KCNIP4: variants seen among roughly 807,000 people sequenced by gnomAD.
The protein encoded by KCNIP4 is Kv channel-interacting protein 4.
A neutral mutation model predicts 34.0 loss-of-function variants in KCNIP4; 12 were observed. The ratio of observed to expected loss-of-function variants is 0.35; its 90% CI spans 0.23 to 0.57. The LOEUF is 0.57. Ranked by LOEUF, KCNIP4 falls within the 20% of genes least tolerant of loss-of-function variation. KCNIP4 has a pLI of 0.83. For missense variants in KCNIP4, 238 were observed against 311.7 expected, an observed-to-expected ratio of 0.76 and a Z score of 1.78; for synonymous variants, 124 against 102.2, an observed-to-expected ratio of 1.21 and a Z score of -1.29.
chr4:21,636,301 G>GA (rs555744187), intron 1 of KCNIP4, among the ~76,000 whole-genome samples: 85 of 138,146 alleles, frequency 6.2e-4, no homozygotes, highest in South Asian at 2.3e-3. Context: ...AAAAAAAAAG[G>GA]AAAAAAAAAA....
At chr4:21,915,951 C>T (rs1241190742) in intron 1 of KCNIP4, among the ~76,000 whole-genome samples, 1 of 152,172 alleles carries the variant, frequency 6.6e-6, no homozygotes, top group Non-Finnish European at 1.5e-5. Flanking sequence ...TGAGACATTT[C>T]CCCATTAGAC....
intron 1 of KCNIP4, among the ~76,000 whole-genome samples, chr4:21,300,959 C>A (rs1217490071): frequency 6.6e-6 from 1 of 152,026 alleles, no homozygotes; most frequent in Non-Finnish European, 1.5e-5. Flanking sequence ...TTAGAGAAAG[C>A]AAGAGAGTAG....
chr4:20,758,782 ACT>A (rs780617948), intron 4 of KCNIP4, 37 bp downstream of exon 4: 4 of 1,485,180 alleles, frequency 2.7e-6, no homozygotes, highest in South Asian at 1.2e-5. Context: ...CATAATTGTA[ACT>A]CTGATAGTAT....
rs28651414 is a variant in KCNIP4, at chr4:21,199,378, A to G, written c.62-316669T>C. Among the ~76,000 whole-genome samples the G allele has an allele frequency of 3.7e-3, 561 of 152,172 alleles. 3 individuals carry two copies. Among genetic ancestry groups the G allele is most frequent in the African/African-American group, 0.013 (527 of 41,510 alleles). On this transcript the variant is annotated intron_variant, in intron 1 of 8. Coordinates refer to ENST00000382152, the MANE Select transcript of KCNIP4 (RefSeq NM_025221.6). The stretch of plus-strand genomic sequence containing the variant: ...TGGCTGCATAAATGTCTTGAGAACT[A>G]TCTGTTCATATCCTTCCCCCACTTT...
chr4:21,833,941 A>G (rs1723158409), intron 1 of KCNIP4, among the ~76,000 whole-genome samples: 9 of 151,840 alleles, frequency 5.9e-5, no homozygotes, highest in Admixed American at 5.9e-4. Flanking sequence ...GTTCTGTTCC[A>G]TTGATCTATA....
intron 1 of KCNIP4, among the ~76,000 whole-genome samples, chr4:21,704,050 A>T (rs1010350054): frequency 6.6e-6 from 1 of 152,154 alleles, no homozygotes; most frequent in African/African-American, 2.4e-5. Context: ...TAATTTTGAC[A>T]AAGATGCAAG....
At chr4:21,763,904 A>G (rs964838214) in intron 1 of KCNIP4, among the ~76,000 whole-genome samples, 4 of 152,088 alleles carry the variant, frequency 2.6e-5, no homozygotes, top group African/African-American at 9.7e-5. Flanking sequence ...CAGCCAACAC[A>G]CAGAATTTGG....
intron 1 of KCNIP4, among the ~76,000 whole-genome samples, chr4:21,539,902 C>T (rs953961366): frequency 1.3e-5 from 2 of 151,516 alleles, no homozygotes; most frequent in Admixed American, 6.6e-5. Context: ...TCGCTTGAAC[C>T]GGGAGGTGGC....
At chr4:21,938,978 T>C (rs967801647) in intron 1 of KCNIP4, among the ~76,000 whole-genome samples, 2 of 152,178 alleles carry the variant, frequency 1.3e-5, no homozygotes, top group African/African-American at 4.8e-5. Context: ...CAAAAATATT[T>C]CTAAAACTAC....
chr4:21,271,343 A>G (rs1211155891), intron 1 of KCNIP4, among the ~76,000 whole-genome samples: 1 of 152,212 alleles, frequency 6.6e-6, no homozygotes, highest in African/African-American at 2.4e-5. Context: ...TTTGCTTTTC[A>G]TTTCTAGTAC....
At chr4:20,985,581 A>G (rs1004403219) in intron 1 of KCNIP4, among the ~76,000 whole-genome samples, 1 of 152,216 alleles carries the variant, frequency 6.6e-6, no homozygotes, top group Non-Finnish European at 1.5e-5. Context: ...ATTAGCATTT[A>G]TTAAGCTGCT....
chr4:21,074,912 G>C (rs1347661368), intron 1 of KCNIP4, among the ~76,000 whole-genome samples: 2 of 152,160 alleles, frequency 1.3e-5, no homozygotes, highest in Non-Finnish European at 1.5e-5. Flanking sequence ...AGTCATTCAG[G>C]AGCAGGTTGT....
In KCNIP4 at chr4:20,905,636, C is replaced by T. The variant is rs149905584; in HGVS notation, c.62-22927G>A. ...AAGTGATTCTCCTGCCTCAGCTTCCCGAGTAGCTGGAACTACAGACATGTG... is the reference window on the plus strand; with the variant it reads ...AAGTGATTCTCCTGCCTCAGCTTCCTGAGTAGCTGGAACTACAGACATGTG... On this transcript the variant is annotated intron_variant, in intron 1 of 8. Transcript: ENST00000382152. Among the ~76,000 whole-genome samples the T allele has an allele frequency of 9.7e-3, 1,464 of 150,918 alleles. 11 individuals carry two copies. The highest frequency in any genetic ancestry group is 0.027 in the Middle Eastern group (8 of 292).
chr4:21,341,093 T>C (rs375721830), intron 1 of KCNIP4, among the ~76,000 whole-genome samples: 1 of 151,838 alleles, frequency 6.6e-6, no homozygotes, highest in African/African-American at 2.4e-5. Flanking sequence ...TATATGACAA[T>C]AGAGTCAGAT....
At chr4:21,033,827 C>T (rs895587619) in intron 1 of KCNIP4, among the ~76,000 whole-genome samples, 2 of 152,234 alleles carry the variant, frequency 1.3e-5, no homozygotes, top group African/African-American at 2.4e-5. Flanking sequence ...CAGCAACAAA[C>T]TTTATAGTAA....
At chr4:21,061,721 A>G (rs910913067) in intron 1 of KCNIP4, among the ~76,000 whole-genome samples, 1 of 152,196 alleles carries the variant, frequency 6.6e-6, no homozygotes, top group African/African-American at 2.4e-5. Context: ...TATATGATCC[A>G]AATTGTGCCC....
intron 1 of KCNIP4, among the ~76,000 whole-genome samples, chr4:21,722,813 A>G (rs1228426137): frequency 6.6e-6 from 1 of 152,098 alleles, no homozygotes; most frequent in Non-Finnish European, 1.5e-5. Flanking sequence ...CTCTTTCCAC[A>G]TCCTATGGTA....
chr4:21,234,445 T>C lies in KCNIP4; in HGVS notation c.62-351736A>G, dbSNP rs1435358709. Among the ~76,000 whole-genome samples, 30 of 131,492 alleles carry C rather than the reference T, an allele frequency of 2.3e-4. 4 individuals are homozygous for C. Among genetic ancestry groups the C allele is most frequent in the African/African-American group, 3.0e-4 (10 of 33,058 alleles). The allele number at this position is 131,492 out of a possible 152,430, so 86.3% of individuals were successfully genotyped here. A position where few individuals can be genotyped will look rare whatever the true frequency, so the allele number is the denominator to read the frequency against. ...TATATATTACATATAACGTATATAA[T>C]ATATATTACATATAACGTATATAAT... On this transcript the variant is annotated intron_variant, in intron 1 of 8. Coordinates refer to ENST00000382152, the MANE Select transcript of KCNIP4 (RefSeq NM_025221.6).
At chr4:20,766,701 C>T (rs1005697823) in intron 3 of KCNIP4, 1 of 152,228 alleles carries the variant, frequency 6.6e-6, no homozygotes, top group Non-Finnish European at 1.5e-5. Flanking sequence ...GCTGCTAAGC[C>T]TGACCTCATG....
Sources: gnomAD v4.1 joint callset for allele counts (sites outside exome capture counted in the v4.1 genomes callset) on GRCh38, gnomAD v4.1.1 for gene constraint, MANE v1.5 for transcripts, NCBI Gene and HGNC (gene_info 2026-07-23, HGNC 2026-07-21) for gene names.